The following EYA4 variants were observed in gnomAD, a reference collection of about 807,000 sequenced individuals.
EYA4 encodes protein phosphatase EYA4.
A neutral mutation model predicts 87.9 loss-of-function variants in EYA4; 31 were observed. The ratio of observed to expected loss-of-function variants is 0.35; its 90% CI spans 0.27 to 0.48. The LOEUF (loss-of-function observed/expected upper bound fraction) is 0.48. Ranked by LOEUF, EYA4 falls within the 20% of genes least tolerant of loss-of-function variation. EYA4 has a pLI of 0.99. For missense variants in EYA4, 678 were observed against 761.4 expected, an observed-to-expected ratio of 0.89 and a Z score of 1.29; for synonymous variants, 263 against 270.6, an observed-to-expected ratio of 0.97 and a Z score of 0.28.
At chr6:133,463,268 A>G (rs1349900623) in intron 9 of EYA4, among the ~76,000 whole-genome samples, 3 of 151,938 alleles carry the variant, frequency 2.0e-5, no homozygotes, top group Admixed American at 2.0e-4. Flanking sequence ...ACTGTTATAT[A>G]ATATTTACTC....
intron 11 of EYA4, among the ~76,000 whole-genome samples, chr6:133,474,924 T>C (rs545996274): frequency 6.6e-6 from 1 of 152,254 alleles, no homozygotes; most frequent in East Asian, 1.9e-4. Context: ...ATACCTTATG[T>C]TCAATAAGAG....
intron 2 of EYA4, among the ~76,000 whole-genome samples, chr6:133,333,025 A>G (rs998283589): frequency 6.6e-6 from 1 of 152,044 alleles, no homozygotes; most frequent in African/African-American, 2.4e-5. Context: ...AGTTTGTTAT[A>G]TTCTCTCATG....
intron 2 of EYA4, among the ~76,000 whole-genome samples, chr6:133,303,667 G>GGAAA (rs1349196099): frequency 6.6e-6 from 1 of 152,166 alleles, no homozygotes; most frequent in Non-Finnish European, 1.5e-5. Flanking sequence ...TGATGGAAAA[G>GGAAA]AGAATATTTC....
At chr6:133,258,741 G>A (rs1178707498) in intron 1 of EYA4, among the ~76,000 whole-genome samples, 1 of 151,916 alleles carries the variant, frequency 6.6e-6, no homozygotes, top group African/African-American at 2.4e-5. Context: ...GGGCTTTTTA[G>A]GTCCAAGAGC....
At chr6:133,448,840 A>C (rs1793118860) in intron 5 of EYA4, among the ~76,000 whole-genome samples, 1 of 152,228 alleles carries the variant, frequency 6.6e-6, no homozygotes, top group Admixed American at 6.5e-5. Flanking sequence ...CAATTAGAAC[A>C]AAGCCATCAC....
chr6:133,306,791 C>T (rs1779844521), intron 2 of EYA4, among the ~76,000 whole-genome samples: 1 of 152,022 alleles, frequency 6.6e-6, no homozygotes, highest in African/African-American at 2.4e-5. Flanking sequence ...TTATAACTCA[C>T]ATAAATTTAA....
At chr6:133,446,787 A>G (rs749376069) in intron 4 of EYA4, 33 bp downstream of exon 4, 1 of 1,607,060 alleles carries the variant, frequency 6.2e-7, no homozygotes, top group Non-Finnish European at 8.5e-7. Context: ...ACCCAGAATC[A>G]TATTTCAATG....
At chr6:133,373,757 G>A (rs918368273) in intron 2 of EYA4, among the ~76,000 whole-genome samples, 2 of 152,050 alleles carry the variant, frequency 1.3e-5, no homozygotes, top group Non-Finnish European at 2.9e-5. Context: ...TATCTCTTTA[G>A]GTGTTTGTTT....
At chr6:133,413,985 A>G (rs1789484680) in intron 3 of EYA4, among the ~76,000 whole-genome samples, 1 of 152,162 alleles carries the variant, frequency 6.6e-6, no homozygotes, top group African/African-American at 2.4e-5. Flanking sequence ...ATTCCCTAGA[A>G]AAATGTGTCT....
intron 2 of EYA4, among the ~76,000 whole-genome samples, chr6:133,313,588 C>G (rs1780400340): frequency 6.6e-6 from 1 of 152,136 alleles, no homozygotes; most frequent in African/African-American, 2.4e-5. Flanking sequence ...TTAGTTGTTG[C>G]TATTCCAATA....
At chr6:133,368,445 A>C (rs913702521) in intron 2 of EYA4, among the ~76,000 whole-genome samples, 4 of 152,192 alleles carry the variant, frequency 2.6e-5, no homozygotes, top group African/African-American at 9.6e-5. Flanking sequence ...TTGAGCTCAT[A>C]AGCATTTTGA....
At chr6:133,252,942 AACACACACAC>A (rs3836960) in intron 1 of EYA4, among the ~76,000 whole-genome samples, 7,138 of 138,710 alleles carry the variant, frequency 0.051, 212 homozygotes, top group African/African-American at 0.077. Flanking sequence ...GGTACTTGAA[AACACACACAC>A]ACACACACAC....
chr6:133,345,980 A>C (rs936739416), intron 2 of EYA4, among the ~76,000 whole-genome samples: 1 of 152,218 alleles, frequency 6.6e-6, no homozygotes, highest in African/African-American at 2.4e-5. Context: ...GCAGACTAGC[A>C]ATTAAAGATC....
chr6:133,376,985 C>T (rs905988332), intron 2 of EYA4, among the ~76,000 whole-genome samples: 15 of 151,944 alleles, frequency 9.9e-5, no homozygotes, highest in African/African-American at 2.9e-4. Context: ...TTGACCAGTC[C>T]TCTCTACTCC....
At chr6:133,304,921 T>C (rs545636771) in intron 2 of EYA4, among the ~76,000 whole-genome samples, 1 of 152,198 alleles carries the variant, frequency 6.6e-6, no homozygotes, top group Non-Finnish European at 1.5e-5. Context: ...ATCAGTGAAA[T>C]ATACAGTCTG....
At chr6:133,360,618 T>A (rs1784381627) in intron 2 of EYA4, 1 of 152,244 alleles carries the variant, frequency 6.6e-6, no homozygotes, top group African/African-American at 2.4e-5. Context: ...AGCCAGTCTC[T>A]GTGAATACAG....
At chr6:133,503,643 G>A (rs1798330741) in intron 13 of EYA4, among the ~76,000 whole-genome samples, 1 of 152,080 alleles carries the variant, frequency 6.6e-6, no homozygotes, top group Admixed American at 6.5e-5. Flanking sequence ...TTTGTTCATG[G>A]TTCCATGACT....
chr6:133,367,621 T>C (rs756023406), intron 2 of EYA4, among the ~76,000 whole-genome samples: 4 of 152,174 alleles, frequency 2.6e-5, no homozygotes, highest in Admixed American at 1.3e-4. Flanking sequence ...CTCTCATAGA[T>C]TGATGGACTC....
chr6:133,291,306 A>T (rs1253570897), intron 2 of EYA4, among the ~76,000 whole-genome samples: 1 of 152,168 alleles, frequency 6.6e-6, no homozygotes, highest in Non-Finnish European at 1.5e-5. Flanking sequence ...GTTATTTCCA[A>T]ATTCCTAGGG....
Sources: gnomAD v4.1 joint callset for allele counts (sites outside exome capture counted in the v4.1 genomes callset) on GRCh38, gnomAD v4.1.1 for gene constraint, MANE v1.5 for transcripts, NCBI Gene and HGNC (gene_info 2026-07-23, HGNC 2026-07-21) for gene names.